TMEM117: variants seen among roughly 807,000 people sequenced by gnomAD.
TMEM117 encodes the protein transmembrane protein 117.
A neutral mutation model predicts 52.4 loss-of-function variants in TMEM117; 27 were observed. The observed-to-expected ratio is 0.51, with a 90% CI of 0.38 to 0.71. The LOEUF is 0.71. Among genes scored for constraint, TMEM117 ranks in the 30% least tolerant of loss-of-function variants. The pLI is 0.00. For missense variants in TMEM117, 556 were observed against 630.5 expected, an observed-to-expected ratio of 0.88 and a Z score of 1.26; for synonymous variants, 215 against 206.3, an observed-to-expected ratio of 1.04 and a Z score of -0.36.
chr12:44,126,173 G>A (rs1001798048), intron 3 of TMEM117, among the ~76,000 whole-genome samples: 3 of 151,898 alleles, frequency 2.0e-5, no homozygotes, highest in Non-Finnish European at 2.9e-5. Flanking sequence ...CCATTAATGG[G>A]CATTTAGGTT....
chr12:44,219,365 G>A (rs1210281966), intron 5 of TMEM117, among the ~76,000 whole-genome samples: 1 of 152,100 alleles, frequency 6.6e-6, no homozygotes, highest in Non-Finnish European at 1.5e-5. Flanking sequence ...CTGATGATTA[G>A]ATATATTGAG....
At chr12:43,852,379 C>G (rs141766205) in intron 2 of TMEM117, among the ~76,000 whole-genome samples, 2 of 151,954 alleles carry the variant, frequency 1.3e-5, no homozygotes, top group Non-Finnish European at 2.9e-5. Flanking sequence ...TTCAGTGAGC[C>G]GAGATCACGC....
intron 6 of TMEM117, among the ~76,000 whole-genome samples, chr12:44,338,865 T>A (rs1245857575): frequency 6.6e-6 from 1 of 152,116 alleles, no homozygotes; most frequent in African/African-American, 2.4e-5. Flanking sequence ...AAGGGCCATG[T>A]GGCAAAATTC....
intron 3 of TMEM117, among the ~76,000 whole-genome samples, chr12:43,969,121 A>G (rs1425435866): frequency 6.6e-6 from 1 of 152,076 alleles, no homozygotes; most frequent in African/African-American, 2.4e-5. Context: ...TACAGAATGA[A>G]GTAGAAAATG....
At chr12:44,368,529 G>A (rs1951821291) in intron 6 of TMEM117, among the ~76,000 whole-genome samples, 1 of 151,906 alleles carries the variant, frequency 6.6e-6, no homozygotes, top group African/African-American at 2.4e-5. Context: ...TTTTCATGGA[G>A]AAAAATGACC....
chr12:43,803,003 G>C, the TMEM117 span, among the ~76,000 whole-genome samples: 1 of 152,092 alleles, frequency 6.6e-6, no homozygotes, highest in African/African-American at 2.4e-5. Context: ...AAGTAAAACT[G>C]TTAATCTACT....
At chr12:44,371,745 A>T (rs764191337) in intron 6 of TMEM117, among the ~76,000 whole-genome samples, 1 of 152,170 alleles carries the variant, frequency 6.6e-6, no homozygotes, top group Admixed American at 6.5e-5. Flanking sequence ...ATGAGAAAAC[A>T]TAGGGAAATT....
rs780792852 is a variant in TMEM117, at chr12:44,198,343, G to A, written c.511-12947G>A. 5.1e-4 allele frequency among the ~76,000 whole-genome samples: 78 copies of A among 152,184 alleles called. 1 individual carries two copies. The highest frequency in any genetic ancestry group is 5.9e-4 in the Non-Finnish European group (40 of 68,018). ...GTTTCCATCTCAGAGTAATTTAAGC[G>A]CGTGCATAAGAAAATAATGCTATGC... On this transcript the variant is annotated intron_variant, in intron 4 of 7. Coordinates refer to ENST00000266534, the MANE Select transcript of TMEM117 (RefSeq NM_032256.3).
At chr12:43,899,362 C>A (rs1253147103) in intron 2 of TMEM117, among the ~76,000 whole-genome samples, 1 of 152,136 alleles carries the variant, frequency 6.6e-6, no homozygotes, top group Non-Finnish European at 1.5e-5. Context: ...AGATTCTGAA[C>A]TTTCTTCATC....
chr12:44,101,389 C>T (rs897573209), intron 3 of TMEM117, among the ~76,000 whole-genome samples: 1 of 151,906 alleles, frequency 6.6e-6, no homozygotes, highest in East Asian at 1.9e-4. Context: ...TATTTCCTTT[C>T]AGTCTCTTTC....
chr12:43,811,592 A>T, the TMEM117 span, among the ~76,000 whole-genome samples: 1 of 152,230 alleles, frequency 6.6e-6, no homozygotes. Context: ...TTAAGTAAAA[A>T]TATCCTTCAT....
chr12:44,345,718 G>A (rs577663288), intron 6 of TMEM117, among the ~76,000 whole-genome samples: 22 of 152,160 alleles, frequency 1.4e-4, no homozygotes, highest in African/African-American at 4.6e-4. Flanking sequence ...CATAGTCAAC[G>A]TATCATTGTT....
intron 6 of TMEM117, among the ~76,000 whole-genome samples, chr12:44,370,179 G>A (rs1279480727): frequency 2.0e-5 from 3 of 152,102 alleles, no homozygotes; most frequent in Admixed American, 6.6e-5. Context: ...GACTAAAAGG[G>A]TGACTTGGTT....
chr12:43,980,098 C>G (rs1200722880), intron 3 of TMEM117, among the ~76,000 whole-genome samples: 5 of 152,206 alleles, frequency 3.3e-5, no homozygotes, highest in Non-Finnish European at 7.3e-5. Context: ...GGTCCCACAG[C>G]TGTAGTGTAT....
rs1307046040 is a variant in TMEM117 at position 43,949,794 on chromosome 12, A to G, written c.410+5452A>G. On this transcript the variant is annotated intron_variant, in intron 3 of 7. Transcript: ENST00000266534. ...AACCACTTAGCACAGGCAAGCATCAAGGAAGCTTGTACTTAAACTGGGCTC... is the reference window on the plus strand; with the variant it reads ...AACCACTTAGCACAGGCAAGCATCAGGGAAGCTTGTACTTAAACTGGGCTC... 3.9e-5 allele frequency among the ~76,000 whole-genome samples: 6 copies of G among 152,314 alleles called. No homozygotes were observed. The East Asian group carries it at 1.2e-3, about 29-fold the overall frequency.
chr12:44,277,505 T>C (rs1373152572), intron 5 of TMEM117, among the ~76,000 whole-genome samples: 1 of 152,194 alleles, frequency 6.6e-6, no homozygotes, highest in African/African-American at 2.4e-5. Flanking sequence ...TTCAGTAAAA[T>C]TGTCTGCTGA....
intron 6 of TMEM117, among the ~76,000 whole-genome samples, chr12:44,365,348 C>T (rs531422353): frequency 1.2e-4 from 19 of 152,018 alleles, no homozygotes; most frequent in African/African-American, 4.3e-4. Flanking sequence ...GAAAGTCAAC[C>T]TTTCATTACA....
intron 6 of TMEM117, among the ~76,000 whole-genome samples, chr12:44,366,866 G>C (rs1439892414): frequency 2.6e-5 from 4 of 152,040 alleles, no homozygotes; most frequent in Non-Finnish European, 5.9e-5. Context: ...TTTTTTAGAA[G>C]AACAGCCATC....
chr12:44,139,574 G>T (rs1948542080), intron 3 of TMEM117, among the ~76,000 whole-genome samples: 1 of 151,828 alleles, frequency 6.6e-6, no homozygotes, highest in South Asian at 2.1e-4. Flanking sequence ...AATTTATTTA[G>T]GATCTTAAAA....
Sources: allele counts gnomAD v4.1 joint callset (sites outside exome capture counted in the v4.1 genomes callset), GRCh38; gene constraint gnomAD v4.1.1; transcripts MANE v1.5; gene names NCBI Gene and HGNC (gene_info 2026-07-23, HGNC 2026-07-21).